The following CNTNAP5 variants were observed in gnomAD, a reference collection of about 807,000 sequenced individuals.
CNTNAP5 encodes the protein contactin-associated protein-like 5.
A neutral mutation model predicts 150.2 loss-of-function variants in CNTNAP5; 72 were observed. The ratio of observed to expected loss-of-function variants is 0.48; its 90% CI spans 0.40 to 0.58. CNTNAP5 has a LOEUF of 0.58. Ranked by LOEUF, CNTNAP5 falls within the 20% of genes least tolerant of loss-of-function variation. The pLI is 0.00. For synonymous variants in CNTNAP5, 672 were observed against 619.8 expected (o/e 1.08, Z -1.25); for missense variants, 1,636 against 1,626.2 (o/e 1.01, Z -0.10).
At chr2:124,028,475 A>G (rs1680958425) in intron 1 of CNTNAP5, among the ~76,000 whole-genome samples, 1 of 152,168 alleles carries the variant, frequency 6.6e-6, no homozygotes, top group South Asian at 2.1e-4. Context: ...CAGCTTCAGT[A>G]CAGATATTAT....
intron 19 of CNTNAP5, among the ~76,000 whole-genome samples, chr2:124,840,578 G>GGTGGA (rs1682924090): frequency 6.6e-6 from 1 of 152,044 alleles, no homozygotes; most frequent in African/African-American, 2.4e-5. Context: ...TCACAGAACA[G>GGTGGA]GTGGACTCAG....
chr2:124,408,665 A>G (rs1313931987), intron 3 of CNTNAP5, among the ~76,000 whole-genome samples: 1 of 151,892 alleles, frequency 6.6e-6, no homozygotes, highest in Non-Finnish European at 1.5e-5. Context: ...ACAGACCTGC[A>G]GCTGAGGGTC....
At chr2:124,129,544 A>C (rs965230813) in intron 1 of CNTNAP5, among the ~76,000 whole-genome samples, 6 of 152,222 alleles carry the variant, frequency 3.9e-5, no homozygotes, top group Non-Finnish European at 8.8e-5. Flanking sequence ...AAGAAGACAA[A>C]GGGCAAGGAA....
rs144233604 is a variant in CNTNAP5, at chr2:124,375,541, A to G, written c.382-41902A>G. Among the ~76,000 whole-genome samples, 788 of 152,278 alleles carry G rather than the reference A, an allele frequency of 5.2e-3. 12 individuals are homozygous for G. Among genetic ancestry groups the G allele is most frequent in the African/African-American group, 0.018 (758 of 41,586 alleles). On this transcript the variant is annotated intron_variant, in intron 3 of 23. Coordinates refer to ENST00000682447, the MANE Select transcript of CNTNAP5 (RefSeq NM_001367498.1). The stretch of plus-strand genomic sequence containing the variant: ...TGTCACAGATTGGAGGCCACATGGT[A>G]ATTAATGCAATATGAGATTATGGAT...
intron 1 of CNTNAP5, among the ~76,000 whole-genome samples, chr2:124,100,016 C>A (rs144732767): frequency 6.6e-6 from 1 of 152,230 alleles, no homozygotes; most frequent in African/African-American, 2.4e-5. Context: ...GTCATTTTTG[C>A]ATTGCTATAA....
chr2:124,235,250 G>T (rs1316281911), intron 2 of CNTNAP5, among the ~76,000 whole-genome samples: 2 of 152,176 alleles, frequency 1.3e-5, no homozygotes, highest in Non-Finnish European at 1.5e-5. Flanking sequence ...TCCCAGGCAA[G>T]AAGGCTTCTC....
Position 124,747,363 on chromosome 2 carries a change from T to G in CNTNAP5, c.2212T>G (p.Cys738Gly), listed in dbSNP as rs755412823. Reference protein sequence around the residue: ...SCLDIQHFCNCDADKDEWTND... With the variant: ...SCLDIQHFCNGDADKDEWTND... ...CCTGGACATTCAGCACTTTTGCAAT[T>G]GCGACGCTGACAAGGATGAATGGTA... The change falls in exon 14 of 24, where the codon TGC becomes GGC. Residue 738 changes from cysteine to glycine, a missense_variant. Cys to Gly is a radical substitution (Grantham distance 159, BLOSUM62 -3). Coordinates refer to ENST00000682447, the MANE Select transcript of CNTNAP5 (RefSeq NM_001367498.1). 3.7e-6 allele frequency: 6 copies of G among 1,613,794 alleles called. No homozygotes were observed. The highest frequency in any genetic ancestry group is 5.1e-6 in the Non-Finnish European group (6 of 1,179,762).
chr2:124,566,146 A>C (rs987537291), intron 11 of CNTNAP5, among the ~76,000 whole-genome samples: 1 of 140,544 alleles, frequency 7.1e-6, no homozygotes, highest in African/African-American at 2.5e-5. Context: ...CAGGACCCCC[A>C]TAAGGCTGTC....
intron 19 of CNTNAP5, among the ~76,000 whole-genome samples, chr2:124,805,076 A>G (rs1682053522): frequency 6.6e-6 from 1 of 152,184 alleles, no homozygotes; most frequent in Non-Finnish European, 1.5e-5. Context: ...CCTCTTTGTA[A>G]TGAAAATGTG....
intron 11 of CNTNAP5, among the ~76,000 whole-genome samples, chr2:124,581,053 T>C (rs1454879209): frequency 6.6e-6 from 1 of 152,040 alleles, no homozygotes; most frequent in Non-Finnish European, 1.5e-5. Flanking sequence ...ATGGATATGA[T>C]AGGGAAGAGC....
intron 5 of CNTNAP5, among the ~76,000 whole-genome samples, chr2:124,440,460 G>C (rs1310974083): frequency 6.6e-6 from 1 of 152,062 alleles, no homozygotes; most frequent in East Asian, 1.9e-4. Flanking sequence ...GAACAGTTAA[G>C]ATAAGACCTA....
chr2:124,234,797 AC>A (rs1462167037), intron 2 of CNTNAP5, among the ~76,000 whole-genome samples: 18 of 152,296 alleles, frequency 1.2e-4, no homozygotes, highest in Middle Eastern at 3.4e-3. Flanking sequence ...TTATTGGAGG[AC>A]ATCAGCAAAA....
At chr2:124,245,509 T>G (rs1013165665) in intron 3 of CNTNAP5, among the ~76,000 whole-genome samples, 4 of 151,888 alleles carry the variant, frequency 2.6e-5, no homozygotes, top group Non-Finnish European at 5.9e-5. Flanking sequence ...TCAGAAAAAG[T>G]CAATGTCTAA....
chr2:124,791,667 A>G (rs994077725), intron 18 of CNTNAP5, among the ~76,000 whole-genome samples: 2 of 150,046 alleles, frequency 1.3e-5, no homozygotes, highest in Non-Finnish European at 3.0e-5. Flanking sequence ...CTCGTAGATC[A>G]TATTGTTCTA....
In CNTNAP5 at chr2:124,865,456, C is replaced by T. The variant is rs1443028389; in HGVS notation, c.3348+20C>T. On this transcript the variant is annotated intron_variant, in intron 20 of 23. Coordinates refer to ENST00000682447, the MANE Select transcript of CNTNAP5 (RefSeq NM_001367498.1). Reference sequence around the variant, plus strand: ...ATTCAGGTACCTTCCTTACTTTCTCCTGCTTCAGCCAATGTGCCTTGGCTA... The same window carrying T: ...ATTCAGGTACCTTCCTTACTTTCTCTTGCTTCAGCCAATGTGCCTTGGCTA... 3.2e-6 allele frequency: 5 copies of T among 1,550,476 alleles called. No individual in the cohort carries two copies. Among genetic ancestry groups the T allele is most frequent in the Non-Finnish European group, 4.4e-6 (5 of 1,146,290 alleles).
chr2:124,818,326 C>A (rs772643857), intron 19 of CNTNAP5, among the ~76,000 whole-genome samples: 2 of 151,964 alleles, frequency 1.3e-5, no homozygotes, highest in Non-Finnish European at 1.5e-5. Flanking sequence ...TCAAGACCAG[C>A]CTGGGAAACA....
At chr2:124,279,325 C>A (rs967793184) in intron 3 of CNTNAP5, among the ~76,000 whole-genome samples, 7 of 151,766 alleles carry the variant, frequency 4.6e-5, no homozygotes, top group Non-Finnish European at 8.8e-5. Context: ...GGTTAAGAAA[C>A]CTCAAGTCAT....
At chr2:124,217,442 G>T (rs72962811) in intron 1 of CNTNAP5, among the ~76,000 whole-genome samples, 1,645 of 152,242 alleles carry the variant, frequency 0.011, 28 homozygotes, top group African/African-American at 0.037. Flanking sequence ...GGCTGCAGGA[G>T]CACTGAGGGA....
chr2:124,424,621 T>C (rs1000480985), intron 4 of CNTNAP5, among the ~76,000 whole-genome samples: 5 of 152,134 alleles, frequency 3.3e-5, no homozygotes, highest in African/African-American at 1.2e-4. Flanking sequence ...AACACTAAAA[T>C]AAAAGACACT....
Sources: gnomAD v4.1 joint callset for allele counts (sites outside exome capture counted in the v4.1 genomes callset) on GRCh38, gnomAD v4.1.1 for gene constraint, MANE v1.5 for transcripts, NCBI Gene and HGNC (gene_info 2026-07-23, HGNC 2026-07-21) for gene names.